The following TMEM200A variants were observed in gnomAD, a reference collection of about 807,000 sequenced individuals.
The protein encoded by TMEM200A is transmembrane protein 200A.
TMEM200A carries 12 observed loss-of-function variants against 24.3 expected under a neutral mutation model. That is an observed-to-expected ratio of 0.49 (90% CI 0.32 to 0.80). The LOEUF is 0.80. Among genes scored for constraint, TMEM200A ranks in the 30% least tolerant of loss-of-function variants. TMEM200A has a pLI of 0.04. For synonymous variants in TMEM200A, 224 were observed against 224.4 expected (o/e 1.00, Z 0.02); for missense variants, 545 against 614.4 (o/e 0.89, Z 1.19).
intron 2 of TMEM200A, among the ~76,000 whole-genome samples, chr6:130,422,006 C>A (rs1033882466): frequency 5.9e-5 from 9 of 152,138 alleles, no homozygotes; most frequent in Non-Finnish European, 1.3e-4. Context: ...GTGAATAATG[C>A]AGCAATGAAA....
intron 2 of TMEM200A, among the ~76,000 whole-genome samples, chr6:130,389,152 C>T (rs1403897234): frequency 6.6e-6 from 1 of 152,086 alleles, no homozygotes; most frequent in Non-Finnish European, 1.5e-5. Context: ...ACTAGAAGAT[C>T]TTGTAATGTA....
chr6:130,440,601 C>T lies in TMEM200A; in HGVS notation c.179C>T (p.Pro60Leu), dbSNP rs762122955. The T allele has an allele frequency of 3.7e-6, 6 of 1,614,090 alleles. No individual in the cohort carries two copies. The highest frequency in any genetic ancestry group is 5.1e-6 in the Non-Finnish European group (6 of 1,179,972). The change falls in exon 3 of 3, where the codon CCA (proline) becomes CTA (leucine). Residue 60 changes from proline to leucine, a missense_variant. Pro to Leu is a moderately conservative substitution (Grantham distance 98). Coordinates refer to ENST00000296978, the MANE Select transcript of TMEM200A (RefSeq NM_001258277.2). ...VVRGKIRLYSPSGFFLILGVL... is the reference protein window; with the variant it reads ...VVRGKIRLYSLSGFFLILGVL... ...CGTGGCAAAATCCGGCTTTATTCCC[C>T]ATCTGGTTTTTTTCTTATTTTAGGA...
intron 2 of TMEM200A, among the ~76,000 whole-genome samples, chr6:130,397,763 T>G (rs1467337707): frequency 2.0e-5 from 3 of 151,794 alleles, no homozygotes; most frequent in Non-Finnish European, 2.9e-5. Flanking sequence ...TTTTATATGT[T>G]TATTTATTGC....
Position 130,441,136 on chromosome 6 carries a change from T to C in TMEM200A, c.714T>C (p.Ser238=), listed in dbSNP as rs1780159193. 6.2e-7 allele frequency: 1 copy of C among 1,613,768 alleles called. No individual in the cohort carries two copies. Among genetic ancestry groups the C allele is most frequent in the Non-Finnish European group, 8.5e-7 (1 of 1,179,962 alleles). Residue 238 remains serine, a synonymous_variant, in exon 3 of 3, where the codon AGT becomes AGC. Coordinates refer to ENST00000296978, the MANE Select transcript of TMEM200A (RefSeq NM_001258277.2). ...EDELMLNEGK[S]SGHLMPPLLS... Reference sequence around the variant, plus strand: ...AACTTATGTTAAATGAAGGTAAGAGTTCTGGGCATCTTATGCCCCCTTTGC... The same window carrying C: ...AACTTATGTTAAATGAAGGTAAGAGCTCTGGGCATCTTATGCCCCCTTTGC...
rs1425988453 is a variant in TMEM200A, at chr6:130,410,001, AATTGCACACTACTCTAACAGCAAC to A, written c.-17+24778_-17+24801del. 4.6e-5 allele frequency among the ~76,000 whole-genome samples: 7 copies of A among 152,308 alleles called. No individual in the cohort carries two copies. In the East Asian group the frequency reaches 1.3e-3, roughly 29 times the overall value. ...GCAGTTTGTATGACTCTAACAGCAA[AATTGCACACTACTCTAACAGCAAC>A]ATTGCACACTACATTTCTTTAAAAT... On this transcript the variant is annotated intron_variant, in intron 2 of 2. Coordinates refer to ENST00000296978, the MANE Select transcript of TMEM200A (RefSeq NM_001258277.2).
At chr6:130,400,185 T>C (rs1372972038) in intron 2 of TMEM200A, among the ~76,000 whole-genome samples, 1 of 152,058 alleles carries the variant, frequency 6.6e-6, no homozygotes, top group Non-Finnish European at 1.5e-5. Flanking sequence ...GATTTTGCAG[T>C]TGTGAATTGT....
At chr6:130,372,921 A>G (rs1350071890) in intron 1 of TMEM200A, among the ~76,000 whole-genome samples, 1 of 152,248 alleles carries the variant, frequency 6.6e-6, no homozygotes, top group Non-Finnish European at 1.5e-5. Context: ...AATGGTTACA[A>G]TGCTTTGAAA....
In TMEM200A at chr6:130,442,050, T is replaced by A; in HGVS notation, c.*152T>A. On this transcript the variant is annotated 3_prime_UTR_variant, in exon 3 of 3. Transcript: ENST00000296978. ...CTTAGTTCTGTAATGAAGATGGTTGTATGTTTGGGTTACTTGTGACTGCAG... is the reference window on the plus strand; with the variant it reads ...CTTAGTTCTGTAATGAAGATGGTTGAATGTTTGGGTTACTTGTGACTGCAG... 1 of 718,744 alleles carries A rather than the reference T, an allele frequency of 1.4e-6. No homozygotes were observed. The highest frequency in any genetic ancestry group is 2.2e-6 in the Non-Finnish European group (1 of 448,306). 44.5% of individuals were successfully genotyped at this position (718,744 alleles called of 1,614,324 possible). A position where few individuals can be genotyped will look rare whatever the true frequency, so the allele number is the denominator to read the frequency against.
rs781478806 is a variant in TMEM200A, at chr6:130,441,755, G to C, written c.1333G>C (p.Val445Leu). ...AGAAGACCCGATGGATAGGTTGCTTGTGCCCCAAGTTGCCATCAAAAAGGA... is the reference window on the plus strand; with the variant it reads ...AGAAGACCCGATGGATAGGTTGCTTCTGCCCCAAGTTGCCATCAAAAAGGA... Reference protein sequence around the residue: ...NKEDPMDRLLVPQVAIKKDFT... With the variant: ...NKEDPMDRLLLPQVAIKKDFT... The change falls in exon 3 of 3, where the codon GTG becomes CTG. Residue 445 changes from valine (V) to leucine (L), a missense_variant. By Grantham distance (32) the Val-to-Leu change is conservative. Coordinates refer to ENST00000296978, the MANE Select transcript of TMEM200A (RefSeq NM_001258277.2). 1.9e-6 allele frequency: 3 copies of C among 1,614,066 alleles called. No individual in the cohort carries two copies.
At chr6:130,417,464 G>C (rs542067919) in intron 2 of TMEM200A, among the ~76,000 whole-genome samples, 2 of 152,288 alleles carry the variant, frequency 1.3e-5, no homozygotes, top group African/African-American at 4.8e-5. Flanking sequence ...TGTATAGAAA[G>C]AATCTTTTAG....
At chr6:130,418,344 T>C (rs1779506227) in intron 2 of TMEM200A, among the ~76,000 whole-genome samples, 1 of 152,164 alleles carries the variant, frequency 6.6e-6, no homozygotes, top group African/African-American at 2.4e-5. Flanking sequence ...ATAATGAAAG[T>C]AAAAAGCTTT....
At chr6:130,403,775 A>G (rs1779143460) in intron 2 of TMEM200A, among the ~76,000 whole-genome samples, 1 of 152,038 alleles carries the variant, frequency 6.6e-6, no homozygotes, top group Admixed American at 6.6e-5. Context: ...TCACCCAGGT[A>G]TTAAGTCTAG....
intron 1 of TMEM200A, among the ~76,000 whole-genome samples, chr6:130,382,140 C>T (rs1778613655): frequency 6.6e-6 from 1 of 152,064 alleles, no homozygotes; most frequent in Non-Finnish European, 1.5e-5. Flanking sequence ...AGCTATGAAA[C>T]CTTGGGCAAA....
At chr6:130,407,318 G>C (rs1017616829) in intron 2 of TMEM200A, among the ~76,000 whole-genome samples, 1 of 152,156 alleles carries the variant, frequency 6.6e-6, no homozygotes, top group Non-Finnish European at 1.5e-5. Context: ...TTGGAATGTG[G>C]TTTGGGCATC....
intron 1 of TMEM200A, among the ~76,000 whole-genome samples, chr6:130,380,435 T>G (rs929120874): frequency 6.6e-5 from 10 of 152,326 alleles, no homozygotes; most frequent in Admixed American, 6.5e-4. Context: ...CAGGACACTA[T>G]AAGGAAAGTA....
chr6:130,401,628 C>T (rs1779089833), intron 2 of TMEM200A, among the ~76,000 whole-genome samples: 1 of 151,060 alleles, frequency 6.6e-6, no homozygotes, highest in Non-Finnish European at 1.5e-5. Flanking sequence ...ATATTTAATG[C>T]CTTCATTGGG....
intron 2 of TMEM200A, among the ~76,000 whole-genome samples, chr6:130,428,928 T>C (rs1779809703): frequency 6.6e-6 from 1 of 151,268 alleles, no homozygotes; most frequent in South Asian, 2.1e-4. Context: ...GAAATGGGAG[T>C]AAAAGAAATA....
rs572527210 is a variant in TMEM200A at position 130,415,270 on chromosome 6, C to A, written c.-16-25137C>A. Among the ~76,000 whole-genome samples, 3 of 152,206 alleles carry A rather than the reference C, an allele frequency of 2.0e-5. No homozygotes were observed. The South Asian group carries it at 6.2e-4, about 32-fold the overall frequency. ...GTTTGACCTCAAAGAGAGGGTTTTTCTTTTCCTAGTGAGCACATAATAAGG... is the reference window on the plus strand; with the variant it reads ...GTTTGACCTCAAAGAGAGGGTTTTTATTTTCCTAGTGAGCACATAATAAGG... On this transcript the variant is annotated intron_variant, in intron 2 of 2. Coordinates refer to ENST00000296978, the MANE Select transcript of TMEM200A (RefSeq NM_001258277.2).
intron 2 of TMEM200A, chr6:130,437,422 G>A (rs1005963793): frequency 2.6e-5 from 4 of 152,216 alleles, no homozygotes; most frequent in African/African-American, 9.6e-5. Flanking sequence ...GTTTCAAGCT[G>A]TTTGAAACAG....
Sources: gnomAD v4.1 joint callset for allele counts (sites outside exome capture counted in the v4.1 genomes callset) on GRCh38, gnomAD v4.1.1 for gene constraint, MANE v1.5 for transcripts, NCBI Gene and HGNC (gene_info 2026-07-23, HGNC 2026-07-21) for gene names.